The following WDR70 variants were observed in gnomAD, a reference collection of about 807,000 sequenced individuals.
The protein encoded by WDR70 is WD repeat-containing protein 70.
WDR70 carries 53 observed loss-of-function variants against 88.6 expected under a neutral mutation model. That is an observed-to-expected ratio of 0.60 (90% CI 0.48 to 0.75). The LOEUF is 0.75. Ranked by LOEUF, WDR70 falls within the 30% of genes least tolerant of loss-of-function variation. The pLI is 0.00. For missense variants in WDR70, 610 were observed against 823.2 expected, an observed-to-expected ratio of 0.74 and a Z score of 3.17; for synonymous variants, 280 against 270.0, an observed-to-expected ratio of 1.04 and a Z score of -0.36.
chr5:37,637,262 A>G (rs1426466264), intron 10 of WDR70, among the ~76,000 whole-genome samples: 1 of 151,852 alleles, frequency 6.6e-6, no homozygotes, highest in Non-Finnish European at 1.5e-5. Context: ...AATCGCTTGA[A>G]CCTGAGAGGC....
chr5:37,550,285 A>C (rs1284317235), intron 9 of WDR70, among the ~76,000 whole-genome samples: 1 of 152,182 alleles, frequency 6.6e-6, no homozygotes, highest in Non-Finnish European at 1.5e-5. Context: ...ATAGTTTCCA[A>C]AATTATTCTT....
intron 9 of WDR70, among the ~76,000 whole-genome samples, chr5:37,603,550 T>TA (rs1380473440): frequency 1.3e-5 from 2 of 152,204 alleles, no homozygotes; most frequent in African/African-American, 4.8e-5. Flanking sequence ...CGTCTGGGCT[T>TA]AGATTTTTTA....
chr5:37,696,813 A>C (rs570901965), intron 10 of WDR70, among the ~76,000 whole-genome samples: 1 of 152,380 alleles, frequency 6.6e-6, no homozygotes, highest in Admixed American at 6.5e-5. Context: ...ACCTTGTGCC[A>C]GTTACTGAGT....
At chr5:37,547,556 G>A (rs996199564) in intron 9 of WDR70, among the ~76,000 whole-genome samples, 1 of 152,050 alleles carries the variant, frequency 6.6e-6, no homozygotes. Flanking sequence ...GAGATGTTTT[G>A]ATACAGATAT....
intron 10 of WDR70, among the ~76,000 whole-genome samples, chr5:37,685,052 C>T (rs114337635): frequency 7.3e-4 from 111 of 152,186 alleles, no homozygotes; most frequent in African/African-American, 2.6e-3. Flanking sequence ...GGGTTGGCTG[C>T]TCAGGGTTGG....
intron 3 of WDR70, among the ~76,000 whole-genome samples, chr5:37,388,087 C>T (rs547329926): frequency 6.6e-6 from 1 of 152,030 alleles, no homozygotes; most frequent in Non-Finnish European, 1.5e-5. Context: ...TTCTTGAAAG[C>T]TATAAGTATG....
At chr5:37,442,618 C>T (rs1382483336) in intron 6 of WDR70, among the ~76,000 whole-genome samples, 6 of 152,112 alleles carry the variant, frequency 3.9e-5, no homozygotes, top group South Asian at 2.1e-4. Context: ...CCACTGTGGC[C>T]GGCCGAAAGC....
chr5:37,419,988 C>A (rs1353545854), intron 5 of WDR70, among the ~76,000 whole-genome samples: 4 of 152,066 alleles, frequency 2.6e-5, no homozygotes, highest in Non-Finnish European at 4.4e-5. Flanking sequence ...ATCTGCCCCC[C>A]TCAGACTTTC....
chr5:37,568,614 CTGAG>C (rs1172943056), intron 9 of WDR70, among the ~76,000 whole-genome samples: 2 of 152,272 alleles, frequency 1.3e-5, no homozygotes, highest in East Asian at 1.9e-4. Context: ...TTATAATACA[CTGAG>C]TGTTACTGAA....
At chr5:37,415,209 G>A (rs1272906407) in intron 5 of WDR70, among the ~76,000 whole-genome samples, 3 of 151,936 alleles carry the variant, frequency 2.0e-5, no homozygotes, top group East Asian at 1.9e-4. Flanking sequence ...GCAACCATCC[G>A]ATTTCTCAAT....
At chr5:37,453,901 A>G (rs906184678) in intron 7 of WDR70, among the ~76,000 whole-genome samples, 30 of 151,718 alleles carry the variant, frequency 2.0e-4, no homozygotes, top group African/African-American at 7.3e-4. Context: ...CTCCTCTCCC[A>G]CCTCTCCACT....
Position 37,625,691 on chromosome 5 carries a change from A to AT in WDR70, c.1092+20462dup, listed in dbSNP as rs1002672991. 6.0e-5 allele frequency among the ~76,000 whole-genome samples: 9 copies of AT among 150,314 alleles called. No homozygotes were observed. In the East Asian group the frequency reaches 7.9e-4, roughly 13 times the overall value. Reference sequence around the variant, plus strand: ...AGGTGCCCGCCACCATGCCTAGCTAATTTTTTTTTGTATTTTTAGTAGACA... The same window carrying AT: ...AGGTGCCCGCCACCATGCCTAGCTAATTTTTTTTTTGTATTTTTAGTAGACA... On this transcript the variant is annotated intron_variant, in intron 10 of 17. Transcript: ENST00000265107.
At chr5:37,449,604 T>A (rs28832099) in intron 7 of WDR70, among the ~76,000 whole-genome samples, 5,270 of 94,742 alleles carry the variant, frequency 0.056, 428 homozygotes, top group African/African-American at 0.19. Context: ...AAAAAAAAAA[T>A]AAAAAATAAA....
intron 7 of WDR70, among the ~76,000 whole-genome samples, chr5:37,453,291 C>T (rs1467580549): frequency 6.6e-6 from 1 of 152,076 alleles, no homozygotes; most frequent in Non-Finnish European, 1.5e-5. Context: ...CTGAGAGCCC[C>T]GAACAGAGAT....
intron 9 of WDR70, among the ~76,000 whole-genome samples, chr5:37,573,943 G>T (rs114167065): frequency 1.8e-3 from 268 of 152,196 alleles, no homozygotes; most frequent in Non-Finnish European, 3.1e-3. Flanking sequence ...GACTGATGTG[G>T]TCTCCCAGGC....
chr5:37,727,082 T>C (rs1561093461), intron 17 of WDR70, 37 bp downstream of exon 17: 3 of 1,587,640 alleles, frequency 1.9e-6, no homozygotes, highest in Non-Finnish European at 2.6e-6. Context: ...AAAATTGTTA[T>C]GTTTAATGAA....
chr5:37,653,755 A>T (rs1745473298), intron 10 of WDR70, among the ~76,000 whole-genome samples: 1 of 152,088 alleles, frequency 6.6e-6, no homozygotes, highest in Admixed American at 6.5e-5. Flanking sequence ...CTCTGATGGT[A>T]GTTTGTATTT....
intron 5 of WDR70, among the ~76,000 whole-genome samples, chr5:37,397,142 G>GCCCCCCCCAC (rs1749041431): frequency 1.1e-4 from 13 of 120,406 alleles, no homozygotes; most frequent in Admixed American, 1.7e-4. Context: ...GTCTCAAACC[G>GCCCCCCCCAC]CCCCCCCCAA....
intron 8 of WDR70, among the ~76,000 whole-genome samples, chr5:37,495,317 T>C (rs1740181362): frequency 6.6e-6 from 1 of 152,168 alleles, no homozygotes; most frequent in Non-Finnish European, 1.5e-5. Context: ...TAGCTCAACA[T>C]GCCAAAGACA....
Sources: gnomAD v4.1 joint callset for allele counts (sites outside exome capture counted in the v4.1 genomes callset) on GRCh38, gnomAD v4.1.1 for gene constraint, MANE v1.5 for transcripts, NCBI Gene and HGNC (gene_info 2026-07-23, HGNC 2026-07-21) for gene names.